The following GBE1 variants were observed in gnomAD, a reference collection of about 807,000 sequenced individuals.
GBE1 encodes the protein 1,4-alpha-glucan-branching enzyme.
Under a neutral mutation model 88.8 loss-of-function variants are expected in GBE1, and 70 were observed. That is an observed-to-expected ratio of 0.79 (90% CI 0.65 to 0.96). The LOEUF is 0.96. Ranked by LOEUF, GBE1 falls within the 40% of genes least tolerant of loss-of-function variation. GBE1 has a pLI of 0.00. For missense variants in GBE1, 872 were observed against 871.0 expected (o/e 1.00, Z -0.01); for synonymous variants, 284 against 300.1 (o/e 0.95, Z 0.56).
At chr3:81,518,735 T>C (rs1702831971) in intron 14 of GBE1, among the ~76,000 whole-genome samples, 1 of 151,518 alleles carries the variant, frequency 6.6e-6, no homozygotes, top group African/African-American at 2.4e-5. Flanking sequence ...GCATCCATTA[T>C]AAAGCTATTT....
intron 12 of GBE1, among the ~76,000 whole-genome samples, chr3:81,572,522 A>C (rs1703588823): frequency 6.6e-6 from 1 of 152,196 alleles, no homozygotes; most frequent in Non-Finnish European, 1.5e-5. Flanking sequence ...TTTCATTTTC[A>C]AATTTATGAT....
chr3:81,760,612 C>G (rs1186191318), intron 1 of GBE1, among the ~76,000 whole-genome samples: 1 of 152,176 alleles, frequency 6.6e-6, no homozygotes, highest in African/African-American at 2.4e-5. Context: ...AAGACCTGTA[C>G]CTTTTTAGTG....
At chr3:81,531,141 G>A (rs1703006932) in intron 14 of GBE1, among the ~76,000 whole-genome samples, 1 of 151,506 alleles carries the variant, frequency 6.6e-6, no homozygotes, top group African/African-American at 2.4e-5. Context: ...CCTGGTTACT[G>A]CTGATGTTTG....
At chr3:81,702,199 C>A (rs1705705529) in intron 2 of GBE1, among the ~76,000 whole-genome samples, 1 of 147,762 alleles carries the variant, frequency 6.8e-6, no homozygotes, top group Non-Finnish European at 1.5e-5. Context: ...AGTATATTTT[C>A]ACGTAGGTTG....
At chr3:81,746,945 C>A (rs1310830014) in intron 1 of GBE1, among the ~76,000 whole-genome samples, 6 of 152,030 alleles carry the variant, frequency 3.9e-5, no homozygotes, top group Non-Finnish European at 7.4e-5. Context: ...TTCAGTGACA[C>A]CTGATTAAAG....
At chr3:81,594,154 T>C (rs1703920552) in intron 7 of GBE1, 131 bp from the exon 8 acceptor site, 2 of 462,000 alleles carry the variant, frequency 4.3e-6, no homozygotes, top group South Asian at 5.0e-5. Flanking sequence ...AAACATAACA[T>C]ATATAAAAGT....
In GBE1 at chr3:81,649,788, G is replaced by A; in HGVS notation, c.555+8C>T. ...ACAATAATTTATTTAAAGATTTGTTGTTCTCACCTCATATGAGTGTTCTGG... is the reference window on the plus strand; with the variant it reads ...ACAATAATTTATTTAAAGATTTGTTATTCTCACCTCATATGAGTGTTCTGG... On this transcript the variant is annotated splice_region_variant and intron_variant, in intron 4 of 15. Transcript: ENST00000429644. 1.9e-6 allele frequency: 3 copies of A among 1,587,316 alleles called. No homozygotes were observed. The highest frequency in any genetic ancestry group is 1.7e-6 in the Non-Finnish European group (2 of 1,169,708).
At chr3:81,760,744 A>G (rs1296196321) in intron 1 of GBE1, among the ~76,000 whole-genome samples, 1 of 152,228 alleles carries the variant, frequency 6.6e-6, no homozygotes, top group Admixed American at 6.5e-5. Flanking sequence ...CCTCTTCAAG[A>G]TGGTTAAAGT....
intron 14 of GBE1, among the ~76,000 whole-genome samples, chr3:81,517,518 T>G (rs1702812628): frequency 6.6e-6 from 1 of 151,382 alleles, no homozygotes; most frequent in Non-Finnish European, 1.5e-5. Flanking sequence ...ATTGCCTTCT[T>G]CCATATTTGC....
intron 14 of GBE1, among the ~76,000 whole-genome samples, chr3:81,527,942 C>T (rs1370331952): frequency 4.6e-5 from 7 of 151,850 alleles, no homozygotes; most frequent in Non-Finnish European, 7.4e-5. Context: ...GCACTATTCA[C>T]GATAGCAAAG....
intron 1 of GBE1, among the ~76,000 whole-genome samples, chr3:81,737,737 G>GTT (rs60530974): frequency 1.3e-5 from 2 of 151,506 alleles, no homozygotes; most frequent in South Asian, 2.1e-4. Context: ...AAAAATGTGT[G>GTT]TTTTTTATTT....
intron 2 of GBE1, among the ~76,000 whole-genome samples, chr3:81,685,731 A>C (rs751341118): frequency 1.4e-4 from 22 of 151,866 alleles, no homozygotes; most frequent in Non-Finnish European, 3.1e-4. Flanking sequence ...TAATGTTCTG[A>C]TGTTTTCAAA....
At chr3:81,644,775 TA>T (rs1276489178) in intron 6 of GBE1, among the ~76,000 whole-genome samples, 1 of 152,106 alleles carries the variant, frequency 6.6e-6, no homozygotes, top group Non-Finnish European at 1.5e-5. Flanking sequence ...GCTATTGAAA[TA>T]ACCCAGGTAA....
At chr3:81,496,533 C>T (rs1417534591) in intron 15 of GBE1, among the ~76,000 whole-genome samples, 1 of 152,136 alleles carries the variant, frequency 6.6e-6, no homozygotes, top group African/African-American at 2.4e-5. Context: ...TTTGTTCTTC[C>T]TTCCTCCTTT....
chr3:81,584,934 GAA>G (rs1004429280), intron 10 of GBE1, among the ~76,000 whole-genome samples: 13 of 151,954 alleles, frequency 8.6e-5, no homozygotes, highest in African/African-American at 3.1e-4. Context: ...ACTTGTGAGG[GAA>G]AAAAGTCTAC....
chr3:81,589,935 T>A (rs1559654690), intron 9 of GBE1, among the ~76,000 whole-genome samples: 1 of 151,976 alleles, frequency 6.6e-6, no homozygotes, highest in Non-Finnish European at 1.5e-5. Context: ...TGATCAAACG[T>A]AGGTAGGTCA....
intron 12 of GBE1, among the ~76,000 whole-genome samples, chr3:81,572,347 C>A (rs1703587171): frequency 6.6e-6 from 1 of 152,072 alleles, no homozygotes; most frequent in African/African-American, 2.4e-5. Flanking sequence ...ATTTAGCTGT[C>A]CAGTATAACT....
intron 1 of GBE1, among the ~76,000 whole-genome samples, chr3:81,721,778 G>C (rs1484503529): frequency 6.6e-6 from 1 of 152,116 alleles, no homozygotes; most frequent in Non-Finnish European, 1.5e-5. Context: ...GCTTGTAAGA[G>C]TAGAAAATTT....
chr3:81,554,780 G>C (rs1339263156), intron 12 of GBE1, among the ~76,000 whole-genome samples: 1 of 152,150 alleles, frequency 6.6e-6, no homozygotes, highest in East Asian at 1.9e-4. Flanking sequence ...AGAATCCAAG[G>C]CTTGTTCAAG....
Sources: gnomAD v4.1 joint callset for allele counts (sites outside exome capture counted in the v4.1 genomes callset) on GRCh38, gnomAD v4.1.1 for gene constraint, MANE v1.5 for transcripts, NCBI Gene and HGNC (gene_info 2026-07-23, HGNC 2026-07-21) for gene names.